VPS54: variants seen among roughly 807,000 people sequenced by gnomAD.
VPS54 encodes the protein VPS54 subunit of GARP complex.
VPS54 carries 45 observed loss-of-function variants against 121.5 expected under a neutral mutation model. The ratio of observed to expected loss-of-function variants is 0.37; its 90% CI spans 0.29 to 0.47. VPS54 has a LOEUF of 0.47. Among genes scored for constraint, VPS54 ranks in the 20% least tolerant of loss-of-function variants. The pLI, the probability that VPS54 is intolerant of heterozygous loss-of-function variation, is 0.99. For synonymous variants in VPS54, 371 were observed against 385.8 expected, an observed-to-expected ratio of 0.96 and a Z score of 0.45; for missense variants, 1,090 against 1,131.4, an observed-to-expected ratio of 0.96 and a Z score of 0.52.
chr2:63,899,692 T>C (rs974617666), intron 20 of VPS54, 111 bp from the exon 21 acceptor site: 2 of 854,770 alleles, frequency 2.3e-6, no homozygotes, highest in East Asian at 2.6e-5. Flanking sequence ...AATTCTGGCA[T>C]AGTACTTAAG....
chr2:63,931,472 A>AC (rs1674198309), intron 12 of VPS54, among the ~76,000 whole-genome samples: 1 of 152,136 alleles, frequency 6.6e-6, no homozygotes, highest in African/African-American at 2.4e-5. Flanking sequence ...CTGAAACTGG[A>AC]CCCCTTCCTT....
intron 4 of VPS54, among the ~76,000 whole-genome samples, chr2:63,970,314 A>ATATAGATATATATAGATATATATAG (rs1676226496): frequency 1.6e-5 from 1 of 64,352 alleles, no homozygotes; most frequent in Non-Finnish European, 3.6e-5. Context: ...GATATAGATA[A>ATATAGATATATATAGATATATATAG]AACCCAGGCC....
chr2:64,013,110 A>G (rs1172133964), intron 1 of VPS54, among the ~76,000 whole-genome samples: 4 of 152,212 alleles, frequency 2.6e-5, no homozygotes, highest in African/African-American at 9.6e-5. Context: ...TATCCTCTAT[A>G]AATTATTTAT....
At chr2:63,951,206 CTTTTTTT>C (rs71245641) in intron 7 of VPS54, among the ~76,000 whole-genome samples, 1 of 134,344 alleles carries the variant, frequency 7.4e-6, no homozygotes, top group African/African-American at 2.8e-5. Flanking sequence ...ACAAATTTCC[CTTTTTTT>C]TTTTTTTTTT....
chr2:63,955,886 C>T (rs1244862720), intron 7 of VPS54, among the ~76,000 whole-genome samples: 1 of 151,980 alleles, frequency 6.6e-6, no homozygotes, highest in African/African-American at 2.4e-5. Context: ...CTGCTAACAC[C>T]TTGTTTTAAA....
intron 6 of VPS54, 80 bp from the exon 7 acceptor site, chr2:63,962,523 A>T: frequency 6.9e-7 from 1 of 1,439,994 alleles, no homozygotes. Flanking sequence ...GACAATGATA[A>T]AAGATTTCTA....
intron 13 of VPS54, 89 bp downstream of exon 13, chr2:63,921,117 A>G (rs531975503): frequency 1.4e-5 from 19 of 1,376,088 alleles, no homozygotes; most frequent in Admixed American, 6.7e-5. Flanking sequence ...TATAATATGC[A>G]TTATGGGGAA....
intron 1 of VPS54, among the ~76,000 whole-genome samples, chr2:64,011,316 C>A (rs1456732643): frequency 1.3e-5 from 2 of 152,076 alleles, no homozygotes; most frequent in Non-Finnish European, 2.9e-5. Flanking sequence ...GCCTGTAATC[C>A]CAGCACTTTG....
chr2:63,988,621 T>C (rs1381031778), intron 1 of VPS54, among the ~76,000 whole-genome samples: 1 of 152,178 alleles, frequency 6.6e-6, no homozygotes, highest in Non-Finnish European at 1.5e-5. Flanking sequence ...TCACGGACAT[T>C]TATCACTTCC....
chr2:63,976,192 A>T (rs1244347329), intron 3 of VPS54, among the ~76,000 whole-genome samples: 1 of 152,032 alleles, frequency 6.6e-6, no homozygotes, highest in Non-Finnish European at 1.5e-5. Context: ...ATATGCAAAA[A>T]TTAGCCAGGC....
chr2:63,948,239 G>A (rs4470330), intron 8 of VPS54, among the ~76,000 whole-genome samples: 11,172 of 150,396 alleles, frequency 0.074, 821 homozygotes, highest in African/African-American at 0.19. Flanking sequence ...GCAGTTATCA[G>A]GGTTTCTGGG....
chr2:63,959,971 G>A (rs1291632830), intron 7 of VPS54, among the ~76,000 whole-genome samples: 1 of 152,132 alleles, frequency 6.6e-6, no homozygotes, highest in African/African-American at 2.4e-5. Flanking sequence ...AGTGAACCGA[G>A]ATCGTGCCAC....
chr2:64,012,555 T>C (rs564557538), intron 1 of VPS54, among the ~76,000 whole-genome samples: 2 of 151,896 alleles, frequency 1.3e-5, no homozygotes, highest in South Asian at 2.1e-4. Context: ...CTTTCTGAGA[T>C]AGAGTATAGG....
chr2:63,922,810 G>T (rs1343825387), intron 12 of VPS54, among the ~76,000 whole-genome samples: 1 of 151,806 alleles, frequency 6.6e-6, no homozygotes, highest in Non-Finnish European at 1.5e-5. Flanking sequence ...TTTAATTCCT[G>T]AAACATTACT....
chr2:63,952,912 G>A (rs1165141401), intron 7 of VPS54, among the ~76,000 whole-genome samples: 2 of 152,042 alleles, frequency 1.3e-5, no homozygotes, highest in Non-Finnish European at 2.9e-5. Context: ...CTGCCCTACT[G>A]TTGATAACTG....
At chr2:63,980,639 A>T (rs1226840868) in intron 3 of VPS54, among the ~76,000 whole-genome samples, 1 of 152,136 alleles carries the variant, frequency 6.6e-6, no homozygotes, top group African/African-American at 2.4e-5. Flanking sequence ...CTAAAAACAT[A>T]GCTTTGTAAG....
At chr2:63,966,023 C>G (rs1675977682) in intron 5 of VPS54, 57 bp from the exon 6 acceptor site, 1 of 1,543,376 alleles carries the variant, frequency 6.5e-7, no homozygotes, top group South Asian at 1.2e-5. Context: ...TACCCATTAT[C>G]TCTTCTAACA....
intron 1 of VPS54, among the ~76,000 whole-genome samples, chr2:64,013,882 G>C (rs1425610797): frequency 6.6e-6 from 1 of 151,476 alleles, no homozygotes; most frequent in East Asian, 1.9e-4. Context: ...TGAAAGAAAG[G>C]TGACCAGTTA....
Position 63,912,334 on chromosome 2 carries a change from T to A in VPS54, c.2625+11A>T. 6.3e-7 allele frequency: 1 copy of A among 1,588,600 alleles called. No individual in the cohort carries two copies. The highest frequency in any genetic ancestry group is 8.6e-7 in the Non-Finnish European group (1 of 1,163,802). Reference sequence around the variant, plus strand: ...TTTGAACAAAGTCTAATAATTTCTATAAATCATTACCTTAGATAACAGCTT... The same window carrying A: ...TTTGAACAAAGTCTAATAATTTCTAAAAATCATTACCTTAGATAACAGCTT... On this transcript the variant is annotated intron_variant, in intron 20 of 22. Coordinates refer to ENST00000272322, the MANE Select transcript of VPS54 (RefSeq NM_016516.3).
Sources: gnomAD v4.1 joint callset for allele counts (sites outside exome capture counted in the v4.1 genomes callset) on GRCh38, gnomAD v4.1.1 for gene constraint, MANE v1.5 for transcripts, NCBI Gene and HGNC (gene_info 2026-07-23, HGNC 2026-07-21) for gene names.